The following KCNAB2 variants were observed in gnomAD, a reference collection of about 807,000 sequenced individuals.
KCNAB2 encodes the protein voltage-gated potassium channel subunit beta-2.
A neutral mutation model predicts 63.6 loss-of-function variants in KCNAB2; 29 were observed. The observed-to-expected ratio is 0.46, with a 90% CI of 0.34 to 0.62. KCNAB2 has a LOEUF of 0.62. KCNAB2 is among the 20% of genes least tolerant of loss of function. The pLI is 0.01. For synonymous variants in KCNAB2, 222 were observed against 224.2 expected (o/e 0.99, Z 0.09); for missense variants, 359 against 563.9 (o/e 0.64, Z 3.68).
upstream of KCNAB2, among the ~76,000 whole-genome samples, chr1:6,030,119 A>C (rs1659481452): frequency 6.6e-6 from 1 of 152,222 alleles, no homozygotes; most frequent in Non-Finnish European, 1.5e-5. Context: ...CTGGAGATTA[A>C]ATCAAAGCAG....
At position 6,096,478 on chromosome 1, in the gene KCNAB2, G is replaced by T; in HGVS notation, c.949-158G>T. 1 of 1,004,902 alleles carries T rather than the reference G, an allele frequency of 1.0e-6. No individual in the cohort carries two copies. Among genetic ancestry groups the T allele is most frequent in the Non-Finnish European group, 1.4e-6 (1 of 697,818 alleles). The allele number at this position is 1,004,902 out of a possible 1,614,324, so 62.2% of individuals were successfully genotyped here. A position where few individuals can be genotyped will look rare whatever the true frequency, so the allele number is the denominator to read the frequency against. The stretch of plus-strand genomic sequence containing the variant: ...CCACTGCCCACTCTCCCCTACTTGA[G>T]AGGCCTGGGGCAGGGGCACTGCCCT... On this transcript the variant is annotated intron_variant, in intron 13 of 15. Transcript: ENST00000378083. This position sits in a 1 kb window ranked among gnomAD's most constrained non-coding sequence, Gnocchi z 5.9.
chr1:6,008,659 T>G (rs1467373009), intron 1 of KCNAB2, among the ~76,000 whole-genome samples: 1 of 147,852 alleles, frequency 6.8e-6, no homozygotes, highest in Non-Finnish European at 1.5e-5. Context: ...GACACCAACA[T>G]GGGCTGAGAA....
chr1:6,027,821 G>A (rs942043062), intron 1 of KCNAB2, among the ~76,000 whole-genome samples: 6 of 152,218 alleles, frequency 3.9e-5, no homozygotes, highest in African/African-American at 9.6e-5. Flanking sequence ...ATCTGTCGCC[G>A]TGCCACTGGT....
rs41279446 is a variant in KCNAB2 at position 6,087,295 on chromosome 1, G to A, written c.426-172G>A. 0.017 allele frequency among the ~76,000 whole-genome samples: 2,647 copies of A among 152,256 alleles called. 41 individuals are homozygous for A. The highest frequency in any genetic ancestry group is 0.041 in the Admixed American group (626 of 15,296). ...GCTCCATGAGGAGCCCACGCACCCC[G>A]GCTGGGCACGTGGTACACATCATAT... On this transcript the variant is annotated intron_variant, in intron 6 of 15. Transcript: ENST00000378083. This position sits in a 1 kb window ranked among gnomAD's most constrained non-coding sequence, Gnocchi z 6.4.
chr1:6,082,407 CTGAA>C, intron 5 of KCNAB2, 133 bp downstream of exon 5: 2 of 698,870 alleles, frequency 2.9e-6, no homozygotes. Context: ...TTTTTAAACT[CTGAA>C]TGGCTTTAGG....
intron 1 of KCNAB2, among the ~76,000 whole-genome samples, chr1:6,012,318 G>T (rs1358804401): frequency 1.5e-5 from 1 of 64,594 alleles, no homozygotes; most frequent in Non-Finnish European, 3.2e-5. Context: ...GGGTGGAGGT[G>T]GAGATGGAGG....
chr1:6,028,515 A>G lies in KCNAB2; in HGVS notation c.-52-12002A>G, dbSNP rs1659362768. Among the ~76,000 whole-genome samples the G allele has an allele frequency of 6.6e-6, 1 of 152,190 alleles. No individual in the cohort carries two copies. The highest frequency in any genetic ancestry group is 2.4e-5 in the African/African-American group (1 of 41,454). ...CGAGGCCTTCCGGAAGACACCCAGG[A>G]CGTCACACCTAGCCCAGAACAGCCC... On this transcript the variant is annotated intron_variant, in intron 1 of 16. Coordinates refer to the KCNAB2 transcript ENST00000341524. This position sits in a 1 kb window ranked among gnomAD's most constrained non-coding sequence, Gnocchi z 4.0.
At chr1:6,042,836 A>ACCCC (rs1557442488), upstream of KCNAB2, among the ~76,000 whole-genome samples, 9 of 11,832 alleles carry the variant, frequency 7.6e-4, no homozygotes, top group Admixed American at 1.6e-3. Context: ...CCGCGCCCCC[A>ACCCC]CTCCCCACCC....
chr1:6,055,437 C>T (rs1042479481), intron 2 of KCNAB2, among the ~76,000 whole-genome samples: 8 of 150,336 alleles, frequency 5.3e-5, no homozygotes, highest in South Asian at 2.1e-4. Flanking sequence ...CTCACTACAA[C>T]CTCTGCCTCC....
At chr1:6,007,580 C>G (rs806114) in intron 1 of KCNAB2, 123,384 of 152,518 alleles carry the variant, frequency 0.81, 50,026 homozygotes, top group Non-Finnish European at 0.84. Flanking sequence ...AGTCATCATC[C>G]GGAAGTGGTT....
rs950395630 is a variant in KCNAB2 at position 6,096,398 on chromosome 1, T to C, written c.949-238T>C. On this transcript the variant is annotated intron_variant, in intron 13 of 15. Transcript: ENST00000378083. The surrounding 1 kb of genome is among the most constrained non-coding windows in gnomAD (Gnocchi z 5.9). ...ACTTGGGGTTGGGCCAGCACCACAGTCTTTGCACTTCAGAGCCTGGACAGG... is the reference window on the plus strand; with the variant it reads ...ACTTGGGGTTGGGCCAGCACCACAGCCTTTGCACTTCAGAGCCTGGACAGG... 2 of 582,682 alleles carry C rather than the reference T, an allele frequency of 3.4e-6. No individual in the cohort carries two copies. Among genetic ancestry groups the C allele is most frequent in the Non-Finnish European group, 6.1e-6 (2 of 327,436 alleles). The allele number at this position is 582,682 out of a possible 1,614,324, so 36.1% of individuals were successfully genotyped here. A position where few individuals can be genotyped will look rare whatever the true frequency, so the allele number is the denominator to read the frequency against.
chr1:6,004,188 T>C (rs115838517), intron 1 of KCNAB2, among the ~76,000 whole-genome samples: 4,278 of 151,828 alleles, frequency 0.028, 210 homozygotes, highest in African/African-American at 0.099. Flanking sequence ...AAAAGAAGGT[T>C]GTTTGTCTGC....
At chr1:6,017,286 T>A (rs768014770) in intron 1 of KCNAB2, among the ~76,000 whole-genome samples, 1 of 152,158 alleles carries the variant, frequency 6.6e-6, no homozygotes, top group African/African-American at 2.4e-5. Flanking sequence ...GGTCTCACAC[T>A]GTCACCCAGG....
At chr1:6,004,151 AC>A (rs1260985218) in intron 1 of KCNAB2, among the ~76,000 whole-genome samples, 1 of 151,616 alleles carries the variant, frequency 6.6e-6, no homozygotes, top group Non-Finnish European at 1.5e-5. Context: ...CAGGGTCCAG[AC>A]CCCTAGTAAA....
Position 6,035,606 on chromosome 1 carries a change from A to G in KCNAB2, c.-53+812A>G, listed in dbSNP as rs1287440428. Among the ~76,000 whole-genome samples the G allele has an allele frequency of 6.6e-6, 1 of 151,686 alleles. No individual in the cohort carries two copies. The highest frequency in any genetic ancestry group is 1.5e-5 in the Non-Finnish European group (1 of 67,912). ...CACCTGGGAGGGTGGGGAGCTCGTT[A>G]CTCATCTGGGGCCACCCTGGGAAGA... On this transcript the variant is annotated intron_variant, in intron 1 of 15. Coordinates refer to the KCNAB2 transcript ENST00000164247. The surrounding 1 kb of genome is among the most constrained non-coding windows in gnomAD (Gnocchi z 5.0).
chr1:6,041,544 C>T (rs1015894795), upstream of KCNAB2: 5 of 484,302 alleles, frequency 1.0e-5, no homozygotes, highest in Admixed American at 1.4e-4. Context: ...AACCCTCACT[C>T]GGAGGTTCAC....
intron 5 of KCNAB2, among the ~76,000 whole-genome samples, chr1:6,084,645 GTCTCT>G: frequency 6.6e-6 from 1 of 152,146 alleles, no homozygotes; most frequent in South Asian, 2.1e-4. Context: ...GTGAAACCCC[GTCTCT>G]ACTAAAAATA....
At position 6,097,388 on chromosome 1, in the gene KCNAB2, G is replaced by T. The variant is rs1157127370; in HGVS notation, c.1158+31G>T. 3 of 1,549,398 alleles carry T rather than the reference G, an allele frequency of 1.9e-6. No homozygotes were observed. In the East Asian group the frequency reaches 7.3e-5, roughly 38 times the overall value. On this transcript the variant is annotated intron_variant, in intron 15 of 15. Transcript: ENST00000378083. ...AGTGAGAGGCCCTGCTGGGCAGAGG[G>T]CCCATCCCAGCCCGAGCCCCGTCCA...
chr1:5,998,673 G>A (rs1053291654), intron 1 of KCNAB2, among the ~76,000 whole-genome samples: 4 of 152,176 alleles, frequency 2.6e-5, no homozygotes, highest in African/African-American at 9.7e-5. Context: ...GCATCCGGTG[G>A]GCCAGCTGCT....
Sources: allele counts gnomAD v4.1 joint callset (sites outside exome capture counted in the v4.1 genomes callset), GRCh38; gene constraint gnomAD v4.1.1; non-coding constraint Gnocchi (gnomAD v3.1); transcripts MANE v1.5; gene names NCBI Gene and HGNC (gene_info 2026-07-23, HGNC 2026-07-21).